ZFR: variants seen among roughly 807,000 people sequenced by gnomAD.
ZFR encodes zinc finger RNA binding protein.
In ZFR, 19 loss-of-function variants were observed where a neutral mutation model predicts 130.7. The observed-to-expected ratio is 0.15, with a 90% CI of 0.10 to 0.21. ZFR has a LOEUF of 0.21. Ranked by LOEUF, ZFR falls within the 10% of genes least tolerant of loss-of-function variation. ZFR has a pLI of 1.00. For missense variants in ZFR, 872 were observed against 1,321.5 expected, an observed-to-expected ratio of 0.66 and a Z score of 5.27; for synonymous variants, 466 against 456.9, an observed-to-expected ratio of 1.02 and a Z score of -0.25.
intron 14 of ZFR, 31 bp from the exon 15 acceptor site, chr5:32,385,680 G>C (rs761531884): frequency 4.4e-6 from 7 of 1,608,530 alleles, no homozygotes; most frequent in Non-Finnish European, 5.9e-6. Flanking sequence ...GAAACAAATT[G>C]GATCTGTTGT....
At chr5:32,415,380 T>C (rs550159971) in intron 4 of ZFR, among the ~76,000 whole-genome samples, 193 bp from the exon 5 acceptor site, 1 of 152,272 alleles carries the variant, frequency 6.6e-6, no homozygotes, top group South Asian at 2.1e-4. Flanking sequence ...AAATATACTA[T>C]CTTCTGCCAA....
In ZFR at chr5:32,419,848, T is replaced by C. The variant is rs763164605; in HGVS notation, c.393A>G (p.Pro131=). 33 of 1,594,698 alleles carry C rather than the reference T, an allele frequency of 2.1e-5. No homozygotes were observed. The highest frequency in any genetic ancestry group is 2.5e-5 in the Non-Finnish European group (29 of 1,167,732). ...GGTAGTTTTGTGTAGTAGCTGGGGG[T>C]GGTGGTGGTGGTGCTTCTTGTTGCC... is the stretch of plus-strand genomic sequence containing the variant. The part of the protein sequence containing the change: ...TQRQQEAPPP[P]PPATTQNYQD... Residue 131 remains proline, a synonymous_variant, in exon 3 of 20, where the codon CCA becomes CCG. Transcript: ENST00000265069.
chr5:32,402,081 TG>T (rs1753460904), intron 8 of ZFR, among the ~76,000 whole-genome samples: 2 of 152,140 alleles, frequency 1.3e-5, no homozygotes, highest in African/African-American at 4.8e-5. Flanking sequence ...CCAACTCAGG[TG>T]GGGGTTTTGA....
chr5:32,355,020 T>C lies in ZFR; in HGVS notation c.*740A>G, dbSNP rs1270555127. ...AAACAAGAATGTCATGCATTTTTAT[T>C]ATCAATTATGCAGAGGCTTTAAAAC... is the stretch of plus-strand genomic sequence containing the variant. On this transcript the variant is annotated 3_prime_UTR_variant, in exon 20 of 20. Transcript: ENST00000265069. 6.6e-6 allele frequency: 1 copy of C among 152,234 alleles called. No homozygotes were observed. Among genetic ancestry groups the C allele is most frequent in the South Asian group, 2.1e-4 (1 of 4,832 alleles). The allele number at this position is 152,234 out of a possible 1,614,324, so 9.4% of individuals were successfully genotyped here.
intron 4 of ZFR, among the ~76,000 whole-genome samples, chr5:32,415,513 T>TGCGCGCGC (rs1349570905): frequency 1.1e-5 from 1 of 92,250 alleles, no homozygotes; most frequent in Non-Finnish European, 2.1e-5. Flanking sequence ...TGTGTGTGTG[T>TGCGCGCGC]GTGCGCGCGC....
intron 2 of ZFR, among the ~76,000 whole-genome samples, chr5:32,427,590 A>C (rs374334): frequency 3.5e-4 from 53 of 152,280 alleles, no homozygotes; most frequent in East Asian, 3.5e-3. Flanking sequence ...AATTCAGTGA[A>C]ATTCCTATAA....
intron 10 of ZFR, among the ~76,000 whole-genome samples, chr5:32,396,256 C>T (rs1314377227): frequency 6.6e-6 from 1 of 151,124 alleles, no homozygotes; most frequent in African/African-American, 2.4e-5. Context: ...GCGTGAGGGG[C>T]CCCTGACCTC....
intron 17 of ZFR, among the ~76,000 whole-genome samples, chr5:32,367,629 G>C (rs1752576264): frequency 6.6e-6 from 1 of 151,852 alleles, no homozygotes; most frequent in Non-Finnish European, 1.5e-5. Context: ...GCCTGAGCTG[G>C]TCTTGAACTC....
At chr5:32,374,767 A>AT (rs1292060602) in intron 17 of ZFR, among the ~76,000 whole-genome samples, 3 of 152,096 alleles carry the variant, frequency 2.0e-5, no homozygotes, top group Non-Finnish European at 4.4e-5. Context: ...GAATGGGTTG[A>AT]TTTTTTTAAA....
chr5:32,387,772 T>G, intron 13 of ZFR, 73 bp from the exon 14 acceptor site: 1 of 1,383,096 alleles, frequency 7.2e-7, no homozygotes, highest in Non-Finnish European at 9.6e-7. Context: ...AAACATACAA[T>G]AGTAAGTGAA....
chr5:32,360,084 A>AC (rs1752399194), intron 19 of ZFR, among the ~76,000 whole-genome samples: 1 of 152,110 alleles, frequency 6.6e-6, no homozygotes, highest in Admixed American at 6.6e-5. Flanking sequence ...AACTAGGGGG[A>AC]CTTCAGAGAC....
At chr5:32,388,318 A>C in intron 13 of ZFR, 151 bp downstream of exon 13, 1 of 708,436 alleles carries the variant, frequency 1.4e-6, no homozygotes, top group Non-Finnish European at 2.3e-6. Context: ...TTTTGCAAGC[A>C]GCTGCAGAAT....
chr5:32,408,828 C>A (rs563456861), intron 5 of ZFR, among the ~76,000 whole-genome samples: 2 of 152,228 alleles, frequency 1.3e-5, no homozygotes, highest in African/African-American at 4.8e-5. Context: ...CAGATGTTTT[C>A]TTGTCTATTA....
At position 32,385,570 on chromosome 5, in the gene ZFR, T is replaced by C; in HGVS notation, c.2579A>G (p.Lys860Arg). Reference protein sequence around the residue: ...AIILNSCVEPKMQVTITLTSP... With the variant: ...AIILNSCVEPRMQVTITLTSP... ...TGTCAGTGTGATAGTGACTTGCATTTTGGGTTCCACACATGAATTCAAAAT... is the reference window on the plus strand; with the variant it reads ...TGTCAGTGTGATAGTGACTTGCATTCTGGGTTCCACACATGAATTCAAAAT... The change falls in exon 15 of 20, where the codon AAA (lysine) becomes AGA (arginine). Residue 860 changes from lysine (K) to arginine (R), a missense_variant. Physicochemically the swap from Lys to Arg is conservative, Grantham distance 26. Around this residue, in one of 7 missense-constraint regions of ZFR, gnomAD observed 225 missense variants for 282.4 expected, o/e 0.80. Transcript: ENST00000265069. The C allele has an allele frequency of 1.2e-6, 2 of 1,613,578 alleles. No individual in the cohort carries two copies. The highest frequency in any genetic ancestry group is 1.7e-6 in the Non-Finnish European group (2 of 1,179,590).
chr5:32,400,269 G>A (rs1295320608), intron 8 of ZFR, 66 bp from the exon 9 acceptor site: 25 of 1,169,626 alleles, frequency 2.1e-5, no homozygotes, highest in Admixed American at 1.0e-4. Flanking sequence ...CTGATAAGAC[G>A]AAAACTTCAG....
At chr5:32,401,971 G>C (rs1440360418) in intron 8 of ZFR, among the ~76,000 whole-genome samples, 1 of 152,172 alleles carries the variant, frequency 6.6e-6, no homozygotes, top group Non-Finnish European at 1.5e-5. Context: ...ATTATTTCAT[G>C]GTACTCTTCT....
chr5:32,384,404 T>TTAGA (rs1752992881), intron 15 of ZFR, among the ~76,000 whole-genome samples: 1 of 152,170 alleles, frequency 6.6e-6, no homozygotes, highest in Non-Finnish European at 1.5e-5. Context: ...GTATGTAAAA[T>TTAGA]TAGACATAGC....
intron 11 of ZFR, among the ~76,000 whole-genome samples, chr5:32,392,174 T>C (rs940891331): frequency 2.0e-5 from 3 of 152,266 alleles, no homozygotes; most frequent in African/African-American, 7.2e-5. Flanking sequence ...TCTAATAGTT[T>C]ACTGTTGTTG....
At chr5:32,356,637 T>C (rs942053114) in intron 19 of ZFR, among the ~76,000 whole-genome samples, 3 of 152,088 alleles carry the variant, frequency 2.0e-5, no homozygotes, top group African/African-American at 7.2e-5. Context: ...GCCAGGATTG[T>C]CTCGATCTCC....
Sources: gnomAD v4.1 joint callset for allele counts (sites outside exome capture counted in the v4.1 genomes callset) on GRCh38, gnomAD v4.1.1 for gene constraint, gnomAD v4.1.1 regional missense constraint, MANE v1.5 for transcripts, NCBI Gene and HGNC (gene_info 2026-07-23, HGNC 2026-07-21) for gene names.